PEAK1: variants seen among roughly 807,000 people sequenced by gnomAD.
The protein encoded by PEAK1 is inactive tyrosine-protein kinase PEAK1.
In PEAK1, 54 loss-of-function variants were observed where a neutral mutation model predicts 124.7. The ratio of observed to expected loss-of-function variants is 0.43; its 90% CI spans 0.35 to 0.54. PEAK1 has a LOEUF of 0.54. Ranked by LOEUF, PEAK1 falls within the 20% of genes least tolerant of loss-of-function variation. The probability of loss-of-function intolerance (pLI) is 0.01; values close to 1 mark genes in which losing one functional copy is unlikely to be tolerated. For missense variants in PEAK1, 2,046 were observed against 2,134.5 expected, an observed-to-expected ratio of 0.96 and a Z score of 0.82; for synonymous variants, 719 against 760.0, an observed-to-expected ratio of 0.95 and a Z score of 0.89.
chr15:77,352,477 G>C, intron 2 of PEAK1: 2 of 985,290 alleles, frequency 2.0e-6, no homozygotes, highest in Non-Finnish European at 2.4e-6. Context: ...GAGAGGAAAT[G>C]GGGGCTATGG....
At chr15:77,399,004 T>C (rs1179949812) in intron 1 of PEAK1, among the ~76,000 whole-genome samples, 2 of 151,838 alleles carry the variant, frequency 1.3e-5, no homozygotes, top group Non-Finnish European at 2.9e-5. Flanking sequence ...AGCAATCCCA[T>C]TTACAATAGC....
rs961813517 is a variant in PEAK1, at chr15:77,393,960, G to A, written c.-666+26046C>T. ...CACAAGCTGACTGAAGGGTCCTTGG[G>A]CCTGAGTGAACATCAGCAGTAGCCA... On this transcript the variant is annotated intron_variant, in intron 1 of 9. Transcript: ENST00000682557. Among the ~76,000 whole-genome samples, 9 of 152,168 alleles carry A rather than the reference G, an allele frequency of 5.9e-5. No homozygotes were observed. In the East Asian group the frequency reaches 1.5e-3, roughly 26 times the overall value.
chr15:77,227,913 T>A (rs2059746889), intron 6 of PEAK1, among the ~76,000 whole-genome samples: 1 of 151,988 alleles, frequency 6.6e-6, no homozygotes, highest in Non-Finnish European at 1.5e-5. Context: ...AGAGAATCAC[T>A]TGAGCCCAGG....
chr15:77,199,527 A>G (rs2058263677), intron 6 of PEAK1, among the ~76,000 whole-genome samples: 1 of 152,194 alleles, frequency 6.6e-6, no homozygotes, highest in African/African-American at 2.4e-5. Context: ...GTTACAGAAA[A>G]AGTTGTGAAA....
chr15:77,182,073 ATG>A, intron 6 of PEAK1, 33 bp from the exon 7 acceptor site: 1 of 1,366,288 alleles, frequency 7.3e-7, no homozygotes, highest in African/African-American at 1.5e-5. Flanking sequence ...AAAAATCTGA[ATG>A]AAAAAGGCAC....
chr15:77,197,051 T>C (rs994007677), intron 6 of PEAK1, among the ~76,000 whole-genome samples: 3 of 151,204 alleles, frequency 2.0e-5, no homozygotes, highest in African/African-American at 7.3e-5. Context: ...CAGGGTTTTG[T>C]CACATTTCCC....
intron 6 of PEAK1, among the ~76,000 whole-genome samples, chr15:77,193,666 C>T (rs1867779): frequency 0.65 from 99,078 of 151,914 alleles, 33,330 homozygotes; most frequent in Non-Finnish European, 0.75. Flanking sequence ...TAGCTGTGCA[C>T]AGTGGTGCGC....
chr15:77,131,238 G>A (rs2052830618), intron 9 of PEAK1, among the ~76,000 whole-genome samples: 1 of 152,212 alleles, frequency 6.6e-6, no homozygotes, highest in Admixed American at 6.5e-5. Context: ...GCTCACGCCT[G>A]TAATCCCAGC....
chr15:77,114,846 T>C lies in PEAK1; in HGVS notation c.4551A>G (p.Leu1517=), dbSNP rs143178260. 1,412 of 1,613,548 alleles carry C rather than the reference T, an allele frequency of 8.8e-4. No individual in the cohort carries two copies. The highest frequency in any genetic ancestry group is 2.0e-3 in the Admixed American group (118 of 60,016). The change falls in exon 10 of 10, where the codon CTA becomes CTG. Residue 1517 remains leucine, a synonymous_variant. Coordinates refer to ENST00000682557, the MANE Select transcript of PEAK1 (RefSeq NM_001385026.1). ...LKPYHVTHCD[L]RLENLLLVHY... ...GGACAAGTAGCAGGTTCTCTAGGCG[T>C]AGATCGCAGTGAGTGACATGGTAGG...
intron 2 of PEAK1, among the ~76,000 whole-genome samples, chr15:77,308,797 C>T (rs1333333923): frequency 6.6e-6 from 1 of 151,962 alleles, no homozygotes; most frequent in African/African-American, 2.4e-5. Context: ...TGGTCCTGTA[C>T]CTTTCAACAA....
chr15:77,153,463 GT>G (rs1567037662), intron 8 of PEAK1, among the ~76,000 whole-genome samples: 1 of 152,046 alleles, frequency 6.6e-6, no homozygotes, highest in Non-Finnish European at 1.5e-5. Flanking sequence ...TTTTTGAAGG[GT>G]TTTTTGTGTC....
At chr15:77,193,332 CTTAAATTAGT>C in intron 6 of PEAK1, among the ~76,000 whole-genome samples, 1 of 152,226 alleles carries the variant, frequency 6.6e-6, no homozygotes, top group African/African-American at 2.4e-5. Context: ...ATTTGATCAG[CTTAAATTAGT>C]TTTATTGATC....
intron 1 of PEAK1, chr15:77,404,048 T>C (rs999923482): frequency 9.2e-6 from 9 of 983,512 alleles, no homozygotes; most frequent in African/African-American, 3.5e-5. Context: ...CTTTAGAATA[T>C]AGAATCAATT....
intron 1 of PEAK1, chr15:77,402,657 C>T (rs934125067): frequency 3.0e-6 from 3 of 985,152 alleles, no homozygotes; most frequent in South Asian, 9.4e-5. Context: ...GCCAACTACT[C>T]CCATAGTGTA....
intron 7 of PEAK1, among the ~76,000 whole-genome samples, chr15:77,165,489 GC>G (rs1403597079): frequency 1.3e-5 from 2 of 152,156 alleles, no homozygotes; most frequent in African/African-American, 4.8e-5. Context: ...GAGCCACTGC[GC>G]CCGACCCTTG....
At chr15:77,315,765 C>T (rs764281279) in intron 2 of PEAK1, among the ~76,000 whole-genome samples, 3 of 151,766 alleles carry the variant, frequency 2.0e-5, no homozygotes, top group Non-Finnish European at 4.4e-5. Flanking sequence ...TATCCCTCAC[C>T]AGTACTCCTC....
At chr15:77,367,094 A>T (rs945468458) in intron 1 of PEAK1, among the ~76,000 whole-genome samples, 1 of 152,218 alleles carries the variant, frequency 6.6e-6, no homozygotes, top group Non-Finnish European at 1.5e-5. Context: ...AGATCATGCC[A>T]CTGTACTCCA....
intron 8 of PEAK1, among the ~76,000 whole-genome samples, chr15:77,153,967 T>C (rs1421835544): frequency 6.6e-6 from 1 of 152,192 alleles, no homozygotes; most frequent in Non-Finnish European, 1.5e-5. Flanking sequence ...TTCTGTTGAT[T>C]TGGGGTGGAG....
intron 1 of PEAK1, chr15:77,403,566 T>C (rs2071552257): frequency 1.0e-6 from 1 of 970,848 alleles, no homozygotes; most frequent in Non-Finnish European, 1.2e-6. Context: ...TTCTTTCACA[T>C]ATATTCAGCC....
Sources: gnomAD v4.1 joint callset for allele counts (sites outside exome capture counted in the v4.1 genomes callset) on GRCh38, gnomAD v4.1.1 for gene constraint, MANE v1.5 for transcripts, NCBI Gene and HGNC (gene_info 2026-07-23, HGNC 2026-07-21) for gene names.